The following PAFAH1B1 variants were observed in gnomAD, a reference collection of about 807,000 sequenced individuals.
PAFAH1B1 encodes the protein platelet activating factor acetylhydrolase 1b regulatory subunit 1.
A neutral mutation model predicts 57.5 loss-of-function variants in PAFAH1B1; 2 were observed. The observed-to-expected ratio is 0.03, with a 90% CI of 0.01 to 0.11. The LOEUF (loss-of-function observed/expected upper bound fraction) is 0.11, where lower values mean the gene tolerates loss of function less well. PAFAH1B1 is among the 10% of genes least tolerant of loss of function. The probability of loss-of-function intolerance (pLI) is 1.00; values close to 1 mark genes in which losing one functional copy is unlikely to be tolerated. For synonymous variants in PAFAH1B1, 152 were observed against 169.6 expected, an observed-to-expected ratio of 0.90 and a Z score of 0.81; for missense variants, 257 against 512.0, an observed-to-expected ratio of 0.50 and a Z score of 4.81.
intron 1 of PAFAH1B1, among the ~76,000 whole-genome samples, chr17:2,627,489 A>G (rs975885442): frequency 1.3e-5 from 2 of 152,116 alleles, no homozygotes; most frequent in Non-Finnish European, 2.9e-5. Flanking sequence ...TTTGGTGACT[A>G]TGGCCTTATA....
At chr17:2,618,793 A>G (rs2068380363) in intron 1 of PAFAH1B1, among the ~76,000 whole-genome samples, 1 of 147,076 alleles carries the variant, frequency 6.8e-6, no homozygotes, top group African/African-American at 2.5e-5. Flanking sequence ...GATTACAGGT[A>G]CTCGCTCACT....
Position 2,670,291 on chromosome 17 carries a change from A to G in PAFAH1B1, c.528A>G (p.Leu176=), listed in dbSNP as rs767021387. Residue 176 remains leucine, a synonymous_variant, in exon 6 of 11, where the codon CTA becomes CTG. Transcript: ENST00000397195. ...GTTCTGCAGATATGACCATTAAACT[A>G]TGGGATTTTCAGGGCTTTGAATGCA... ...ASCSADMTIK[L]WDFQGFECIR... 6 of 1,614,164 alleles carry G rather than the reference A, an allele frequency of 3.7e-6. No individual in the cohort carries two copies. In the South Asian group the frequency reaches 4.4e-5, roughly 12 times the overall value.
chr17:2,596,909 A>G (rs1205824635), intron 1 of PAFAH1B1, among the ~76,000 whole-genome samples: 2 of 152,084 alleles, frequency 1.3e-5, no homozygotes, highest in Non-Finnish European at 2.9e-5. Context: ...AAATACAAAA[A>G]AATTAGCCAT....
intron 1 of PAFAH1B1, among the ~76,000 whole-genome samples, chr17:2,604,001 G>C (rs1173085726): frequency 1.3e-5 from 2 of 152,078 alleles, no homozygotes; most frequent in Non-Finnish European, 2.9e-5. Context: ...CTCCCAAAGT[G>C]CTGGGATTAC....
intron 8 of PAFAH1B1, 44 bp downstream of exon 8, chr17:2,674,332 TG>T: frequency 2.1e-6 from 3 of 1,428,850 alleles, no homozygotes; most frequent in Non-Finnish European, 3.0e-6. Context: ...TGCTGATATC[TG>T]AAGTCCTTAG....
At chr17:2,604,956 C>T (rs2068188663) in intron 1 of PAFAH1B1, among the ~76,000 whole-genome samples, 1 of 152,122 alleles carries the variant, frequency 6.6e-6, no homozygotes, top group African/African-American at 2.4e-5. Flanking sequence ...GTTGGAGAGG[C>T]ACGTCTGAGC....
At position 2,610,296 on chromosome 17, in the gene PAFAH1B1, A is replaced by G. The variant is rs191691398; in HGVS notation, c.-191+16290A>G. ...CTACAAAATGCCTCAGATAAAAGTA[A>G]GGAGAAAGAAGAAACAAAAACAAAA... On this transcript the variant is annotated intron_variant, in intron 1 of 10. Transcript: ENST00000397195. Among the ~76,000 whole-genome samples, 596 of 152,342 alleles carry G rather than the reference A, an allele frequency of 3.9e-3. 6 individuals carry two copies. Among genetic ancestry groups the G allele is most frequent in the African/African-American group, 0.014 (573 of 41,586 alleles).
intron 2 of PAFAH1B1, among the ~76,000 whole-genome samples, chr17:2,650,117 G>T (rs928459286): frequency 6.6e-6 from 1 of 152,168 alleles, no homozygotes; most frequent in African/African-American, 2.4e-5. Context: ...AGGCACTGTG[G>T]CTTAGGCCTG....
intron 6 of PAFAH1B1, among the ~76,000 whole-genome samples, chr17:2,672,285 CAAAAAAAAAAA>C (rs35332619): frequency 8.8e-4 from 61 of 69,592 alleles, no homozygotes; most frequent in Non-Finnish European, 1.1e-3. Flanking sequence ...CCTTGCCTCA[CAAAAAAAAAAA>C]AAAAAAAAAA....
intron 1 of PAFAH1B1, among the ~76,000 whole-genome samples, chr17:2,608,025 G>T (rs1030481081): frequency 2.6e-5 from 4 of 151,662 alleles, no homozygotes; most frequent in Admixed American, 1.3e-4. Context: ...ATGCATTATT[G>T]ATATATGTAG....
At chr17:2,662,179 C>A (rs1020312263) in intron 2 of PAFAH1B1, among the ~76,000 whole-genome samples, 1 of 151,796 alleles carries the variant, frequency 6.6e-6, no homozygotes, top group Non-Finnish European at 1.5e-5. Context: ...TGCTTAAAAT[C>A]GAATGCTGGC....
intron 9 of PAFAH1B1, among the ~76,000 whole-genome samples, chr17:2,676,888 C>A (rs538566042): frequency 1.3e-5 from 2 of 152,078 alleles, no homozygotes; most frequent in Non-Finnish European, 2.9e-5. Flanking sequence ...CTCGGCCGGG[C>A]GCGGTGGCTT....
chr17:2,644,050 A>AT (rs1248188323), intron 2 of PAFAH1B1, among the ~76,000 whole-genome samples: 4 of 151,434 alleles, frequency 2.6e-5, no homozygotes, highest in Non-Finnish European at 5.9e-5. Flanking sequence ...TTATTTACAG[A>AT]TTTTTTTTGT....
chr17:2,621,607 CTTT>C (rs534219431), intron 1 of PAFAH1B1, among the ~76,000 whole-genome samples: 189 of 84,514 alleles, frequency 2.2e-3, no homozygotes, highest in East Asian at 7.2e-3. Flanking sequence ...GATAATCTGT[CTTT>C]TTTTTTTTTT....
At chr17:2,668,042 C>T (rs982378818) in intron 5 of PAFAH1B1, among the ~76,000 whole-genome samples, 1 of 151,784 alleles carries the variant, frequency 6.6e-6, no homozygotes, top group Admixed American at 6.6e-5. Context: ...TATAACCAAT[C>T]GGCCGGGCAC....
At chr17:2,680,620 A>G (rs531128988) in intron 10 of PAFAH1B1, among the ~76,000 whole-genome samples, 26 of 152,318 alleles carry the variant, frequency 1.7e-4, no homozygotes, top group South Asian at 4.1e-4. Flanking sequence ...TTTCTCCCCT[A>G]TTAGTTTGTT....
intron 1 of PAFAH1B1, among the ~76,000 whole-genome samples, chr17:2,634,140 T>C (rs887657727): frequency 6.6e-6 from 1 of 152,032 alleles, no homozygotes; most frequent in South Asian, 2.1e-4. Flanking sequence ...TTTAGTTTTT[T>C]TGTTTGTTTT....
chr17:2,683,562 T>G lies in PAFAH1B1; in HGVS notation c.*1760T>G, dbSNP rs775033502. On this transcript the variant is annotated 3_prime_UTR_variant, in exon 11 of 11. Coordinates refer to ENST00000397195, the MANE Select transcript of PAFAH1B1 (RefSeq NM_000430.4). ...AGCTTTATGTCTAGCTTGTGTCTTT[T>G]TGTTTGTTTGCTTGTTTGTTTTTAG... 1.3e-5 allele frequency: 2 copies of G among 152,250 alleles called. No individual in the cohort carries two copies. The highest frequency in any genetic ancestry group is 2.9e-5 in the Non-Finnish European group (2 of 68,044). 9.4% of individuals were successfully genotyped at this position (152,250 alleles called of 1,614,324 possible).
chr17:2,593,793 G>GC lies in PAFAH1B1; in HGVS notation c.-403dup, dbSNP rs1198277639. On this transcript the variant is annotated 5_prime_UTR_variant, in exon 1 of 11. Transcript: ENST00000397195. The stretch of plus-strand genomic sequence containing the variant: ...CGCTCGGGCGCGAGCGAGAGAAACC[G>GC]CGAGCGCCGAGCTTGGACTCGAGCC... 3 of 390,294 alleles carry GC rather than the reference G, an allele frequency of 7.7e-6. No homozygotes were observed. The highest frequency in any genetic ancestry group is 1.4e-5 in the Non-Finnish European group (3 of 220,978). The allele number at this position is 390,294 out of a possible 1,614,324, so 24.2% of individuals were successfully genotyped here.
Sources: gnomAD v4.1 joint callset for allele counts (sites outside exome capture counted in the v4.1 genomes callset) on GRCh38, gnomAD v4.1.1 for gene constraint, MANE v1.5 for transcripts, NCBI Gene and HGNC (gene_info 2026-07-23, HGNC 2026-07-21) for gene names.